The following OSBPL1A variants were observed in gnomAD, a reference collection of about 807,000 sequenced individuals.
The protein encoded by OSBPL1A is oxysterol binding protein like 1A.
Under a neutral mutation model 137.1 loss-of-function variants are expected in OSBPL1A, and 80 were observed. The ratio of observed to expected loss-of-function variants is 0.58; its 90% CI spans 0.49 to 0.70. The LOEUF (loss-of-function observed/expected upper bound fraction) is 0.70. OSBPL1A is among the 30% of genes least tolerant of loss of function. The probability of loss-of-function intolerance (pLI) is 0.00; values close to 1 mark genes in which losing one functional copy is unlikely to be tolerated. For missense variants in OSBPL1A, 970 were observed against 1,129.4 expected, an observed-to-expected ratio of 0.86 and a Z score of 2.02; for synonymous variants, 365 against 389.7, an observed-to-expected ratio of 0.94 and a Z score of 0.75.
intron 2 of OSBPL1A, among the ~76,000 whole-genome samples, chr18:24,375,604 C>T (rs1400285153): frequency 1.3e-5 from 2 of 152,164 alleles, no homozygotes; most frequent in Non-Finnish European, 2.9e-5. Context: ...TTAGAATCGT[C>T]TCCTCCAAGA....
chr18:24,330,538 G>A (rs2091058239), intron 7 of OSBPL1A, among the ~76,000 whole-genome samples: 1 of 150,192 alleles, frequency 6.7e-6, no homozygotes, highest in African/African-American at 2.5e-5. Flanking sequence ...AGGCTGGAGT[G>A]CAGTGGCACA....
At chr18:24,364,529 G>A (rs977913644) in intron 4 of OSBPL1A, among the ~76,000 whole-genome samples, 2 of 152,202 alleles carry the variant, frequency 1.3e-5, no homozygotes, top group Admixed American at 6.5e-5. Context: ...GCTGAGGTAG[G>A]AAGATCACTT....
chr18:24,302,134 T>C (rs2090412741), intron 14 of OSBPL1A, among the ~76,000 whole-genome samples: 1 of 149,934 alleles, frequency 6.7e-6, no homozygotes, highest in South Asian at 2.1e-4. Context: ...CTCTGGAGGC[T>C]GAGGCAGGAG....
At chr18:24,292,096 A>C (rs1478783632) in intron 14 of OSBPL1A, among the ~76,000 whole-genome samples, 2 of 152,178 alleles carry the variant, frequency 1.3e-5, no homozygotes, top group Non-Finnish European at 2.9e-5. Flanking sequence ...AAGAAAAAAG[A>C]AAATATCAGA....
intron 7 of OSBPL1A, among the ~76,000 whole-genome samples, chr18:24,328,036 CTTTTTTTTTT>C (rs10563779): frequency 1.0e-3 from 96 of 95,638 alleles, no homozygotes; most frequent in African/African-American, 4.0e-3. Context: ...AGAAATCACA[CTTTTTTTTTT>C]TTTTTTTTTT....
At chr18:24,255,322 G>A (rs923927929) in intron 15 of OSBPL1A, among the ~76,000 whole-genome samples, 12 of 152,166 alleles carry the variant, frequency 7.9e-5, no homozygotes, top group African/African-American at 2.9e-4. Flanking sequence ...ACAAAATAGA[G>A]AAGGGAATAC....
At chr18:24,200,731 CA>C (rs1404353919) in intron 17 of OSBPL1A, among the ~76,000 whole-genome samples, 1 of 151,776 alleles carries the variant, frequency 6.6e-6, no homozygotes, top group Admixed American at 6.6e-5. Flanking sequence ...GCGTGGGGAA[CA>C]AAAATTTTAT....
chr18:24,327,211 G>A (rs777722456), intron 7 of OSBPL1A, among the ~76,000 whole-genome samples: 1 of 150,838 alleles, frequency 6.6e-6, no homozygotes, highest in African/African-American at 2.4e-5. Context: ...AGGTTCAAGC[G>A]ATTCTCCTGC....
chr18:24,340,495 G>A (rs1224773001), intron 5 of OSBPL1A, among the ~76,000 whole-genome samples: 1 of 151,908 alleles, frequency 6.6e-6, no homozygotes, highest in Admixed American at 6.6e-5. Context: ...GCAACATAGT[G>A]AGACCTCATC....
At chr18:24,213,893 T>C (rs568876295) in intron 17 of OSBPL1A, among the ~76,000 whole-genome samples, 1 of 152,350 alleles carries the variant, frequency 6.6e-6, no homozygotes, top group Non-Finnish European at 1.5e-5. Flanking sequence ...TATTTCTCAG[T>C]TTATCACCAT....
chr18:24,384,770 T>C (rs1053737751), intron 1 of OSBPL1A, among the ~76,000 whole-genome samples: 2 of 150,794 alleles, frequency 1.3e-5, no homozygotes, highest in African/African-American at 4.9e-5. Flanking sequence ...CTTGAGAGGC[T>C]GAGGCAGGAG....
intron 16 of OSBPL1A, among the ~76,000 whole-genome samples, chr18:24,236,083 C>T (rs1281599690): frequency 6.6e-6 from 1 of 152,142 alleles, no homozygotes; most frequent in Non-Finnish European, 1.5e-5. Context: ...AAACACAGCC[C>T]TGTGGACACC....
intron 1 of OSBPL1A, among the ~76,000 whole-genome samples, chr18:24,383,352 A>G (rs1906740512): frequency 6.6e-6 from 1 of 152,268 alleles, no homozygotes; most frequent in African/African-American, 2.4e-5. Flanking sequence ...TCTTCAAAAC[A>G]TACAAGAAGT....
intron 15 of OSBPL1A, among the ~76,000 whole-genome samples, chr18:24,258,323 G>C (rs2089344441): frequency 6.6e-6 from 1 of 152,272 alleles, no homozygotes; most frequent in South Asian, 2.1e-4. Context: ...GCAACAACAT[G>C]GATGGAACTG....
chr18:24,390,067 A>C (rs1305281779), intron 1 of OSBPL1A, among the ~76,000 whole-genome samples: 2 of 152,232 alleles, frequency 1.3e-5, no homozygotes, highest in African/African-American at 4.8e-5. Context: ...AAAATATTTA[A>C]CAATGTGCCC....
At chr18:24,164,990 T>A in intron 27 of OSBPL1A, 75 bp downstream of exon 27, 1 of 1,455,938 alleles carries the variant, frequency 6.9e-7, no homozygotes, top group Non-Finnish European at 9.5e-7. Context: ...GGTCACAGTG[T>A]CTGGCATCCC....
Position 24,189,661 on chromosome 18 carries a change from C to G in OSBPL1A, c.1677+6464G>C, listed in dbSNP as rs868630294. 5.0e-3 allele frequency among the ~76,000 whole-genome samples: 755 copies of G among 152,314 alleles called. 5 individuals carry two copies. The highest frequency in any genetic ancestry group is 0.01 in the Middle Eastern group (3 of 294). On this transcript the variant is annotated intron_variant, in intron 18 of 27. Coordinates refer to ENST00000319481, the MANE Select transcript of OSBPL1A (RefSeq NM_080597.4). ...CCATCTCATGCTGCTCAGTTCCCCC[C>G]GCTCCACACGATGCCTAGCATCTCA...
chr18:24,170,112 A>G (rs904539279), intron 24 of OSBPL1A, among the ~76,000 whole-genome samples: 2 of 150,964 alleles, frequency 1.3e-5, no homozygotes, highest in Admixed American at 6.7e-5. Flanking sequence ...ACTGCTCCAC[A>G]GTTAAAAAAC....
intron 4 of OSBPL1A, among the ~76,000 whole-genome samples, chr18:24,342,114 T>C (rs540032917): frequency 6.6e-6 from 1 of 152,344 alleles, no homozygotes; most frequent in Admixed American, 6.5e-5. Context: ...TAAAGTGATA[T>C]ACCATTATTG....
Sources: gnomAD v4.1 joint callset for allele counts (sites outside exome capture counted in the v4.1 genomes callset) on GRCh38, gnomAD v4.1.1 for gene constraint, MANE v1.5 for transcripts, NCBI Gene and HGNC (gene_info 2026-07-23, HGNC 2026-07-21) for gene names.